MACROD2: variants seen among roughly 807,000 people sequenced by gnomAD.
The protein encoded by MACROD2 is ADP-ribose glycohydrolase MACROD2.
Under a neutral mutation model 70.4 loss-of-function variants are expected in MACROD2, and 36 were observed. That is an observed-to-expected ratio of 0.51 (90% CI 0.39 to 0.68). The LOEUF is 0.68. Among genes scored for constraint, MACROD2 ranks in the 30% least tolerant of loss-of-function variants. The pLI is 0.00. For synonymous variants in MACROD2, 172 were observed against 178.8 expected, an observed-to-expected ratio of 0.96 and a Z score of 0.30; for missense variants, 496 against 538.4, an observed-to-expected ratio of 0.92 and a Z score of 0.78.
At chr20:15,353,421 A>G (rs1311847187) in intron 6 of MACROD2, among the ~76,000 whole-genome samples, 1 of 152,186 alleles carries the variant, frequency 6.6e-6, no homozygotes, top group Non-Finnish European at 1.5e-5. Context: ...CCTAGGCAAT[A>G]CCATTCAGGA....
chr20:15,934,815 A>G (rs909576491), intron 11 of MACROD2, among the ~76,000 whole-genome samples: 1 of 152,008 alleles, frequency 6.6e-6, no homozygotes, highest in African/African-American at 2.4e-5. Context: ...TTCGTGCCTC[A>G]GCCTCCCAAG....
intron 5 of MACROD2, among the ~76,000 whole-genome samples, chr20:14,737,771 A>G (rs934563426): frequency 2.0e-5 from 3 of 152,184 alleles, no homozygotes; most frequent in Non-Finnish European, 4.4e-5. Flanking sequence ...GTGTCTGTTC[A>G]TATCCTTCAT....
At chr20:15,289,302 C>G (rs1180133393) in intron 6 of MACROD2, among the ~76,000 whole-genome samples, 1 of 152,074 alleles carries the variant, frequency 6.6e-6, no homozygotes, top group Non-Finnish European at 1.5e-5. Context: ...CTGGTAGTGA[C>G]ACAAGGATTT....
At chr20:14,153,910 C>T (rs2055057867) in intron 3 of MACROD2, among the ~76,000 whole-genome samples, 2 of 152,124 alleles carry the variant, frequency 1.3e-5, no homozygotes, top group South Asian at 4.1e-4. Flanking sequence ...ATTTATTTTT[C>T]CTGCTGACTC....
chr20:15,383,531 A>T (rs1159883036), intron 6 of MACROD2, among the ~76,000 whole-genome samples: 1 of 152,168 alleles, frequency 6.6e-6, no homozygotes, highest in Non-Finnish European at 1.5e-5. Flanking sequence ...TTTTAACATG[A>T]TGTTCCTTTT....
intron 5 of MACROD2, among the ~76,000 whole-genome samples, chr20:15,071,988 G>A (rs1365692713): frequency 6.6e-6 from 1 of 152,048 alleles, no homozygotes; most frequent in African/African-American, 2.4e-5. Flanking sequence ...GGGGAAATGT[G>A]TTTTGTAACT....
At chr20:14,349,506 T>A (rs2083099092) in intron 3 of MACROD2, among the ~76,000 whole-genome samples, 1 of 148,792 alleles carries the variant, frequency 6.7e-6, no homozygotes, top group Non-Finnish European at 1.5e-5. Context: ...ATAGTACCTA[T>A]TAACCATATA....
At chr20:15,987,038 G>A in intron 14 of MACROD2, 28 bp from the exon 15 acceptor site, 1 of 1,561,056 alleles carries the variant, frequency 6.4e-7, no homozygotes, top group East Asian at 2.2e-5. Flanking sequence ...AAACAACCCT[G>A]AGTGTCCATC....
intron 5 of MACROD2, among the ~76,000 whole-genome samples, chr20:15,141,712 T>G (rs1239443342): frequency 6.6e-6 from 1 of 152,204 alleles, no homozygotes; most frequent in Non-Finnish European, 1.5e-5. Context: ...CTTTGCCACT[T>G]TTGTTTCAAT....
chr20:14,852,353 A>C (rs1459445271), intron 5 of MACROD2, among the ~76,000 whole-genome samples: 1 of 152,144 alleles, frequency 6.6e-6, no homozygotes, highest in Non-Finnish European at 1.5e-5. Flanking sequence ...ACTGGTGACT[A>C]TAGAAAGAAT....
intron 6 of MACROD2, among the ~76,000 whole-genome samples, chr20:15,299,546 G>GT (rs373829912): frequency 9.2e-5 from 14 of 152,310 alleles, no homozygotes; most frequent in African/African-American, 2.6e-4. Flanking sequence ...CTCTAAATCA[G>GT]TTTTTCCCAG....
chr20:14,113,588 G>T (rs998153270), intron 3 of MACROD2, among the ~76,000 whole-genome samples: 1 of 152,148 alleles, frequency 6.6e-6, no homozygotes, highest in East Asian at 1.9e-4. Flanking sequence ...ATGAATTCCA[G>T]TTCAAAATGG....
At chr20:14,316,580 T>G (rs2082613327) in intron 3 of MACROD2, among the ~76,000 whole-genome samples, 1 of 152,180 alleles carries the variant, frequency 6.6e-6, no homozygotes, top group African/African-American at 2.4e-5. Context: ...TTTTTTATTT[T>G]TAGCTCATCA....
At chr20:15,371,218 A>G (rs962754660) in intron 6 of MACROD2, among the ~76,000 whole-genome samples, 1 of 152,106 alleles carries the variant, frequency 6.6e-6, no homozygotes, top group Non-Finnish European at 1.5e-5. Flanking sequence ...GCAGAATAAG[A>G]TAGTTTGATG....
chr20:15,074,610 A>T (rs1263361443), intron 5 of MACROD2, among the ~76,000 whole-genome samples: 1 of 152,226 alleles, frequency 6.6e-6, no homozygotes, highest in Non-Finnish European at 1.5e-5. Context: ...CTGAAACCTG[A>T]ACCTGTGGTA....
At chr20:15,138,098 A>C (rs1340383245) in intron 5 of MACROD2, among the ~76,000 whole-genome samples, 1 of 152,148 alleles carries the variant, frequency 6.6e-6, no homozygotes, top group Non-Finnish European at 1.5e-5. Context: ...TTCTGATATG[A>C]GATGAAAATT....
intron 5 of MACROD2, among the ~76,000 whole-genome samples, chr20:14,771,765 T>A (rs545071580): frequency 7.2e-6 from 1 of 138,652 alleles, no homozygotes; most frequent in Non-Finnish European, 1.6e-5. Flanking sequence ...CACACACACA[T>A]ACACATATGG....
chr20:14,394,930 C>G (rs148314566), intron 3 of MACROD2, among the ~76,000 whole-genome samples: 1 of 152,044 alleles, frequency 6.6e-6, no homozygotes, highest in African/African-American at 2.4e-5. Flanking sequence ...TCATTATATT[C>G]CTAGAATAAA....
intron 5 of MACROD2, among the ~76,000 whole-genome samples, chr20:15,161,721 A>G (rs1480851567): frequency 6.6e-6 from 1 of 152,060 alleles, no homozygotes; most frequent in African/African-American, 2.4e-5. Flanking sequence ...ATAAAAGAAG[A>G]AAATCCAGTT....
Sources: gnomAD v4.1 joint callset for allele counts (sites outside exome capture counted in the v4.1 genomes callset) on GRCh38, gnomAD v4.1.1 for gene constraint, MANE v1.5 for transcripts, NCBI Gene and HGNC (gene_info 2026-07-23, HGNC 2026-07-21) for gene names.